CHEK1: variants seen among roughly 807,000 people sequenced by gnomAD.
The protein encoded by CHEK1 is checkpoint kinase 1, also known as serine/threonine-protein kinase Chk1.
A neutral mutation model predicts 60.2 loss-of-function variants in CHEK1; 32 were observed. That is an observed-to-expected ratio of 0.53 (90% CI 0.40 to 0.71). The LOEUF is 0.71. CHEK1 is among the 30% of genes least tolerant of loss of function. The pLI is 0.00. For synonymous variants in CHEK1, 179 were observed against 187.2 expected (o/e 0.96, Z 0.36); for missense variants, 399 against 564.6 (o/e 0.71, Z 2.97).
chr11:125,654,428 C>G (rs574241848), intron 12 of CHEK1, among the ~76,000 whole-genome samples: 1 of 152,004 alleles, frequency 6.6e-6, no homozygotes, highest in African/African-American at 2.4e-5. Context: ...ATTAATATTT[C>G]GAAGCATTTT....
At chr11:125,669,023 CTAT>C (rs1942148662) in intron 13 of CHEK1, among the ~76,000 whole-genome samples, 2 of 151,992 alleles carry the variant, frequency 1.3e-5, no homozygotes, top group Non-Finnish European at 2.9e-5. Context: ...ATCCTTTGTG[CTAT>C]TATTGTCATA....
chr11:125,671,751 G>A (rs1942209620), intron 13 of CHEK1: 1 of 152,154 alleles, frequency 6.6e-6, no homozygotes, highest in African/African-American at 2.4e-5. Context: ...AAACATCTCT[G>A]TGTCACATTT....
At chr11:125,658,237 T>G (rs1367443529), downstream of CHEK1, among the ~76,000 whole-genome samples, 1 of 152,100 alleles carries the variant, frequency 6.6e-6, no homozygotes, top group Non-Finnish European at 1.5e-5. Flanking sequence ...CCTGGCTAAC[T>G]TTTGTATTTT....
At chr11:125,644,399 AAGAG>A (rs3731449) in intron 10 of CHEK1, 109 bp from the exon 11 acceptor site, 1 of 1,470,544 alleles carries the variant, frequency 6.8e-7, no homozygotes. Flanking sequence ...TCAAGGAAGA[AAGAG>A]AGGAGGGAGG....
At chr11:125,660,725 A>G (rs541553768), downstream of CHEK1, among the ~76,000 whole-genome samples, 3 of 151,538 alleles carry the variant, frequency 2.0e-5, no homozygotes, top group Non-Finnish European at 4.4e-5. Context: ...GCTAATATTT[A>G]TATGATTTTC....
intron 11 of CHEK1, among the ~76,000 whole-genome samples, chr11:125,652,574 C>T (rs527455526): frequency 6.6e-6 from 1 of 152,218 alleles, no homozygotes; most frequent in East Asian, 1.9e-4. Context: ...AGGAGCTGCA[C>T]CCCTGTTGAT....
At chr11:125,662,755 A>G (rs1020289839) in intron 13 of CHEK1, among the ~76,000 whole-genome samples, 6 of 152,108 alleles carry the variant, frequency 3.9e-5, no homozygotes, top group African/African-American at 1.4e-4. Flanking sequence ...GAGTGGCACT[A>G]CTCAATTATA....
chr11:125,639,523 TG>T (rs1262986614), intron 8 of CHEK1, among the ~76,000 whole-genome samples: 1 of 151,390 alleles, frequency 6.6e-6, no homozygotes, highest in African/African-American at 2.4e-5. Flanking sequence ...ATTACAGGTG[TG>T]AACCACCACA....
chr11:125,650,665 G>T (rs1277687007), intron 11 of CHEK1, among the ~76,000 whole-genome samples: 1 of 151,976 alleles, frequency 6.6e-6, no homozygotes, highest in Non-Finnish European at 1.5e-5. Flanking sequence ...TGTTGGCCAG[G>T]CTGGTCTCGA....
chr11:125,677,137 A>C (rs550411815), downstream of CHEK1, among the ~76,000 whole-genome samples: 1 of 152,228 alleles, frequency 6.6e-6, no homozygotes, highest in Non-Finnish European at 1.5e-5. Context: ...CATTGGACAT[A>C]TTACATTTGC....
chr11:125,668,528 TTTAA>T (rs1373000926), intron 13 of CHEK1, among the ~76,000 whole-genome samples: 3 of 152,084 alleles, frequency 2.0e-5, no homozygotes, highest in African/African-American at 7.2e-5. Context: ...ATTTCTCATT[TTTAA>T]TTAATTATTT....
Position 125,656,814 on chromosome 11 carries a change from A to G in CHEK1, c.*1494A>G. 1 of 213,386 alleles carries G rather than the reference A, an allele frequency of 4.7e-6. No individual in the cohort carries two copies. The highest frequency in any genetic ancestry group is 9.5e-6 in the Non-Finnish European group (1 of 105,436). The allele number at this position is 213,386 out of a possible 1,614,324, so 13.2% of individuals were successfully genotyped here. On this transcript the variant is annotated 3_prime_UTR_variant, in exon 13 of 13. Coordinates refer to ENST00000438015, the MANE Select transcript of CHEK1 (RefSeq NM_001114122.3). ...ACTTCCTCTGCAAAGTCTTTCCCTG[A>G]CTTATCTAAAATAATAACCTCCTCT... is the stretch of plus-strand genomic sequence containing the variant.
At chr11:125,636,579 G>GA (rs1022226318) in intron 7 of CHEK1, among the ~76,000 whole-genome samples, 4 of 151,764 alleles carry the variant, frequency 2.6e-5, no homozygotes, top group African/African-American at 7.3e-5. Flanking sequence ...TTACATTAAG[G>GA]AAAAAAACTT....
intron 8 of CHEK1, 55 bp downstream of exon 8, chr11:125,637,599 G>C: frequency 1.6e-6 from 2 of 1,275,028 alleles, no homozygotes; most frequent in Non-Finnish European, 2.2e-6. Flanking sequence ...AAAGGTAATT[G>C]CAAAGTTATT....
chr11:125,627,203 C>G (rs1940651874), intron 2 of CHEK1, among the ~76,000 whole-genome samples: 1 of 152,150 alleles, frequency 6.6e-6, no homozygotes, highest in Admixed American at 6.5e-5. Context: ...CATTGTGTAC[C>G]TCTCCTTCAC....
intron 13 of CHEK1, among the ~76,000 whole-genome samples, chr11:125,675,448 A>G (rs554335027): frequency 6.6e-6 from 1 of 152,108 alleles, no homozygotes; most frequent in Non-Finnish European, 1.5e-5. Context: ...TTTCCGAGTG[A>G]TGGTGGATGA....
At chr11:125,678,353 A>T, downstream of CHEK1, 1 of 1,574,712 alleles carries the variant, frequency 6.4e-7, no homozygotes, top group Non-Finnish European at 8.6e-7. Context: ...TGGGATAAAG[A>T]CTATCTTCCT....
intron 11 of CHEK1, among the ~76,000 whole-genome samples, chr11:125,652,357 G>T (rs767795240): frequency 1.5e-4 from 23 of 152,208 alleles, no homozygotes; most frequent in Admixed American, 3.3e-4. Flanking sequence ...ACTGAAAGTG[G>T]AAGTTGAAGG....
At chr11:125,626,456 G>A (rs896254108) in intron 1 of CHEK1, 8 of 462,644 alleles carry the variant, frequency 1.7e-5, no homozygotes, top group Middle Eastern at 5.7e-4. Flanking sequence ...TCGTTCGCCG[G>A]AAAGCATTTG....
Sources: gnomAD v4.1 joint callset for allele counts (sites outside exome capture counted in the v4.1 genomes callset) on GRCh38, gnomAD v4.1.1 for gene constraint, MANE v1.5 for transcripts, NCBI Gene and HGNC (gene_info 2026-07-23, HGNC 2026-07-21) for gene names.